Variants in NFIB observed in about 807,000 individuals in gnomAD.
The protein encoded by NFIB is nuclear factor I B.
A neutral mutation model predicts 61.5 loss-of-function variants in NFIB; 11 were observed. The ratio of observed to expected loss-of-function variants is 0.18; its 90% confidence interval spans 0.11 to 0.30. The LOEUF is 0.30. NFIB is among the 10% of genes least tolerant of loss of function. NFIB has a pLI of 1.00. For missense variants in NFIB, 471 were observed against 608.9 expected (o/e 0.77, Z 2.38); for synonymous variants, 260 against 216.5 (o/e 1.20, Z -1.76).
At chr9:14,473,332 C>T in the NFIB span, among the ~76,000 whole-genome samples, 30 of 152,238 alleles carry the variant, frequency 2.0e-4, 1 homozygote, top group African/African-American at 7.2e-4. Flanking sequence ...GTGAAGATTC[C>T]AAGACTAGAA....
At chr9:14,275,589 C>T (rs574045234) in intron 2 of NFIB, among the ~76,000 whole-genome samples, 3 of 152,094 alleles carry the variant, frequency 2.0e-5, no homozygotes, top group Admixed American at 6.6e-5. Context: ...AAAACCCTAT[C>T]ACACCCAGGG....
chr9:14,225,715 A>C (rs897365567), intron 2 of NFIB, among the ~76,000 whole-genome samples: 1 of 152,046 alleles, frequency 6.6e-6, no homozygotes, highest in Non-Finnish European at 1.5e-5. Context: ...GGGAGATTTG[A>C]CTCTATCAGA....
At chr9:14,167,670 G>C (rs554243540) in intron 3 of NFIB, among the ~76,000 whole-genome samples, 2 of 152,250 alleles carry the variant, frequency 1.3e-5, no homozygotes, top group African/African-American at 4.8e-5. Context: ...TTTTCAAAAA[G>C]TGCTATTTCC....
chr9:14,100,579 G>A lies in NFIB; in HGVS notation c.1468-12253C>T, dbSNP rs549747392. On this transcript the variant is annotated intron_variant, in intron 10 of 10. Coordinates refer to ENST00000380953, the MANE Select transcript of NFIB (RefSeq NM_001190737.2). The stretch of plus-strand genomic sequence containing the variant: ...AAAAAAATTAGCCGGGCGTGGTGGC[G>A]GGCGCCTGTAGTCCCAGCTACGGAG... 2.2e-4 allele frequency among the ~76,000 whole-genome samples: 33 copies of A among 152,222 alleles called. No individual in the cohort carries two copies. The South Asian group carries it at 3.5e-3, about 16-fold the overall frequency.
chr9:14,192,773 G>A (rs1302848849), intron 2 of NFIB, among the ~76,000 whole-genome samples: 2 of 152,108 alleles, frequency 1.3e-5, no homozygotes, highest in Non-Finnish European at 2.9e-5. Flanking sequence ...ATGACTGGGT[G>A]ACCTCACTGC....
chr9:14,283,026 C>T (rs2058481665), intron 2 of NFIB, among the ~76,000 whole-genome samples: 1 of 152,172 alleles, frequency 6.6e-6, no homozygotes. Context: ...GATGTTGCGG[C>T]TGTTGTTACT....
chr9:14,346,290 A>AACCCCCCCCCCCCC (rs2061019183), intron 1 of NFIB, among the ~76,000 whole-genome samples: 3 of 88,394 alleles, frequency 3.4e-5, no homozygotes, highest in Admixed American at 1.2e-4. Context: ...GGTAACCGAC[A>AACCCCCCCCCCCCC]CCCCCCCCCC....
At chr9:14,430,976 T>G in the NFIB span, among the ~76,000 whole-genome samples, 1 of 152,208 alleles carries the variant, frequency 6.6e-6, no homozygotes, top group Non-Finnish European at 1.5e-5. Flanking sequence ...TTACGTTTGG[T>G]ATAAAATATA....
At chr9:14,454,648 C>T in the NFIB span, among the ~76,000 whole-genome samples, 1 of 152,160 alleles carries the variant, frequency 6.6e-6, no homozygotes, top group African/African-American at 2.4e-5. Flanking sequence ...AGCTCTGTAA[C>T]ATCAGTTCTA....
chr9:14,465,689 C>A, the NFIB span, among the ~76,000 whole-genome samples: 1 of 152,074 alleles, frequency 6.6e-6, no homozygotes, highest in African/African-American at 2.4e-5. Flanking sequence ...GTTCTCTGGT[C>A]CTGGGCTACC....
the NFIB span, among the ~76,000 whole-genome samples, chr9:14,480,793 G>A: frequency 2.6e-5 from 4 of 152,038 alleles, no homozygotes; most frequent in African/African-American, 4.8e-5. Context: ...CTGCTGAGAT[G>A]GAAATAAATC....
Position 14,307,188 on chromosome 9 carries a change from C to G in NFIB, c.363G>C (p.Leu121=). Residue 121 remains leucine (L), a synonymous_variant, in exon 2 of 11, where the codon CTG becomes CTC. Transcript: ENST00000380953. The surrounding 1 kb of genome is among the most constrained non-coding windows in gnomAD (Gnocchi z 5.3). ...GACGCCAGACTTTGTCTGCCTGTCG[C>G]AGGCAGTCGATTCTCCTAATCTTAC... ...QKGKIRRIDC[L]RQADKVWRLD... 1 of 1,614,082 alleles carries G rather than the reference C, an allele frequency of 6.2e-7. No individual in the cohort carries two copies. The highest frequency in any genetic ancestry group is 8.5e-7 in the Non-Finnish European group (1 of 1,180,034).
chr9:14,397,101 C>G (rs1424477731), intron 1 of NFIB, among the ~76,000 whole-genome samples: 1 of 152,170 alleles, frequency 6.6e-6, no homozygotes. Flanking sequence ...TTCTCTCTCT[C>G]TCTTTCTTTC....
In NFIB at chr9:14,265,187, C is replaced by A. The variant is rs1047946439; in HGVS notation, c.562+41802G>T. On this transcript the variant is annotated intron_variant, in intron 2 of 10. Coordinates refer to ENST00000380953, the MANE Select transcript of NFIB (RefSeq NM_001190737.2). Reference sequence around the variant, plus strand: ...ACCACTATAGATTGGATATTATATCCTATTTGCAACTAGGACTATCTATCT... The same window carrying A: ...ACCACTATAGATTGGATATTATATCATATTTGCAACTAGGACTATCTATCT... Among the ~76,000 whole-genome samples, 3 of 152,156 alleles carry A rather than the reference C, an allele frequency of 2.0e-5. No homozygotes were observed. In the South Asian group the frequency reaches 6.2e-4, roughly 32 times the overall value.
In NFIB at chr9:14,087,555, GT is replaced by G. The variant is rs930343847; in HGVS notation, c.*753del. On this transcript the variant is annotated 3_prime_UTR_variant, in exon 11 of 11. Coordinates refer to ENST00000380953, the MANE Select transcript of NFIB (RefSeq NM_001190737.2). ...TCCATAGAGCCTTTGTGTTCAAACT[GT>G]TTTTTTCCTTTTTTCTTTTTTTCCT... The G allele has an allele frequency of 1.3e-5, 3 of 223,964 alleles. No homozygotes were observed. Among genetic ancestry groups the G allele is most frequent in the African/African-American group, 4.5e-5 (2 of 44,214 alleles). The allele number at this position is 223,964 out of a possible 1,614,324, so 13.9% of individuals were successfully genotyped here.
chr9:14,517,525 ACC>A, the NFIB span, among the ~76,000 whole-genome samples: 4 of 152,074 alleles, frequency 2.6e-5, no homozygotes, highest in Non-Finnish European at 5.9e-5. Context: ...CTGAGCTTAG[ACC>A]CTTGTCCTAT....
the NFIB span, among the ~76,000 whole-genome samples, chr9:14,491,061 C>A: frequency 6.6e-6 from 1 of 152,166 alleles, no homozygotes; most frequent in Non-Finnish European, 1.5e-5. Context: ...CAAATGTGGG[C>A]TTGGAAGCTA....
At chr9:14,332,878 G>A (rs1003508307) in intron 1 of NFIB, among the ~76,000 whole-genome samples, 1 of 152,202 alleles carries the variant, frequency 6.6e-6, no homozygotes, top group Non-Finnish European at 1.5e-5. Context: ...CTGAGGCCAT[G>A]AGCTTGCCAG....
intron 1 of NFIB, among the ~76,000 whole-genome samples, chr9:14,370,798 A>G (rs1212772130): frequency 6.6e-6 from 1 of 152,196 alleles, no homozygotes; most frequent in African/African-American, 2.4e-5. Context: ...TTCTTTGTTT[A>G]AATGCTAATG....
Sources: allele counts gnomAD v4.1 joint callset (sites outside exome capture counted in the v4.1 genomes callset), GRCh38; gene constraint gnomAD v4.1.1; non-coding constraint Gnocchi (gnomAD v3.1); transcripts MANE v1.5; gene names NCBI Gene and HGNC (gene_info 2026-07-23, HGNC 2026-07-21).